CADPS2: variants seen among roughly 807,000 people sequenced by gnomAD.
CADPS2 encodes the protein calcium-dependent secretion activator 2.
Under a neutral mutation model 172.5 loss-of-function variants are expected in CADPS2, and 93 were observed. That is an observed-to-expected ratio of 0.54 (90% CI 0.46 to 0.64). The LOEUF is 0.64. CADPS2 is among the 30% of genes least tolerant of loss of function. CADPS2 has a pLI of 0.00. For missense variants in CADPS2, 1,420 were observed against 1,565.9 expected (o/e 0.91, Z 1.57); for synonymous variants, 546 against 555.2 (o/e 0.98, Z 0.23).
intron 2 of CADPS2, among the ~76,000 whole-genome samples, chr7:122,707,931 A>G (rs1248659995): frequency 2.0e-5 from 3 of 151,736 alleles, no homozygotes. Flanking sequence ...TGTGGCAACT[A>G]TAATTCTTAT....
intron 2 of CADPS2, 75 bp downstream of exon 2, chr7:122,736,880 T>C: frequency 1.3e-6 from 1 of 760,180 alleles, no homozygotes; most frequent in Non-Finnish European, 2.2e-6. Flanking sequence ...TTCTTTAAAA[T>C]GAGAAACCCA....
At chr7:122,842,638 A>T (rs1810881130) in intron 1 of CADPS2, among the ~76,000 whole-genome samples, 1 of 152,212 alleles carries the variant, frequency 6.6e-6, no homozygotes, top group South Asian at 2.1e-4. Flanking sequence ...AAGAAAAACA[A>T]ATGTCATATT....
Position 122,387,044 on chromosome 7 carries a change from G to C in CADPS2, c.3294C>G (p.Ala1098=), listed in dbSNP as rs534927407. Residue 1098 remains alanine, a synonymous_variant, in exon 24 of 30, where the codon GCC becomes GCG. Coordinates refer to ENST00000449022, the MANE Select transcript of CADPS2 (RefSeq NM_017954.11). ...TACATACCTCTTGTCCTCCATCCAG[G>C]GCACAGAGTTTGGTGCTTTGCTTTT... ...DAKKQSTKLC[A]LDGGQEQQYH... The C allele has an allele frequency of 1.3e-6, 2 of 1,558,218 alleles. No homozygotes were observed. Among genetic ancestry groups the C allele is most frequent in the South Asian group, 2.4e-5 (2 of 84,702 alleles).
chr7:122,511,965 C>T (rs183041255), intron 9 of CADPS2, among the ~76,000 whole-genome samples: 1 of 152,072 alleles, frequency 6.6e-6, no homozygotes. Flanking sequence ...AAACAGGTAA[C>T]CTTTTTCAAA....
At chr7:122,787,228 C>T (rs1238707142) in intron 1 of CADPS2, among the ~76,000 whole-genome samples, 1 of 152,070 alleles carries the variant, frequency 6.6e-6, no homozygotes, top group Non-Finnish European at 1.5e-5. Context: ...CTCTATACAC[C>T]CCCAACCCCA....
intron 2 of CADPS2, among the ~76,000 whole-genome samples, chr7:122,679,148 G>A (rs147450545): frequency 0.066 from 10,036 of 151,688 alleles, 376 homozygotes; most frequent in South Asian, 0.17. Context: ...CCTGTGGGCC[G>A]GGCAGGACAG....
At chr7:122,525,522 G>A (rs553342334) in intron 8 of CADPS2, among the ~76,000 whole-genome samples, 5 of 152,210 alleles carry the variant, frequency 3.3e-5, no homozygotes, top group Admixed American at 2.0e-4. Flanking sequence ...AGTAAGATAC[G>A]CTTGCTGTTA....
chr7:122,676,189 G>A (rs2082362560), intron 2 of CADPS2, among the ~76,000 whole-genome samples: 1 of 152,106 alleles, frequency 6.6e-6, no homozygotes, highest in African/African-American at 2.4e-5. Flanking sequence ...AAATGAATAG[G>A]TTCCTGACTG....
intron 2 of CADPS2, among the ~76,000 whole-genome samples, chr7:122,696,830 G>A (rs186686276): frequency 6.6e-6 from 1 of 152,220 alleles, no homozygotes; most frequent in East Asian, 1.9e-4. Context: ...CATAATAGTT[G>A]CATTACAACA....
intron 13 of CADPS2, among the ~76,000 whole-genome samples, chr7:122,472,244 A>C (rs2056059196): frequency 6.6e-6 from 1 of 152,132 alleles, no homozygotes; most frequent in African/African-American, 2.4e-5. Flanking sequence ...TGGATTTATA[A>C]GATAGTAAAA....
At position 122,659,484 on chromosome 7, in the gene CADPS2, G is replaced by A. The variant is rs573544240; in HGVS notation, c.786+3753C>T. 1.1e-4 allele frequency among the ~76,000 whole-genome samples: 17 copies of A among 152,156 alleles called. No individual in the cohort carries two copies. The South Asian group carries it at 3.5e-3, about 32-fold the overall frequency. On this transcript the variant is annotated intron_variant, in intron 3 of 29. Coordinates refer to ENST00000449022, the MANE Select transcript of CADPS2 (RefSeq NM_017954.11). ...TGAACAAACAGAACGGACATCCCAG[G>A]ACTGTGGGATAACATGGGTAACAGA...
chr7:122,422,930 G>A (rs1333429551), intron 17 of CADPS2, among the ~76,000 whole-genome samples: 1 of 152,142 alleles, frequency 6.6e-6, no homozygotes, highest in African/African-American at 2.4e-5. Context: ...CTGCACCCCA[G>A]TCTGGGTGAC....
At chr7:122,672,592 G>C (rs1468145033) in intron 2 of CADPS2, among the ~76,000 whole-genome samples, 1 of 152,124 alleles carries the variant, frequency 6.6e-6, no homozygotes, top group Non-Finnish European at 1.5e-5. Context: ...CACACCTCCT[G>C]GGAGAATAGA....
intron 1 of CADPS2, among the ~76,000 whole-genome samples, chr7:122,776,340 T>C (rs1361825856): frequency 1.3e-5 from 2 of 152,192 alleles, no homozygotes; most frequent in Non-Finnish European, 2.9e-5. Context: ...GCCATGATTG[T>C]GAGGGCTCCA....
chr7:122,433,169 T>TG (rs1563325313), intron 17 of CADPS2, among the ~76,000 whole-genome samples: 1 of 151,298 alleles, frequency 6.6e-6, no homozygotes, highest in Non-Finnish European at 1.5e-5. Context: ...TGTGTGGAGA[T>TG]GGGGTCTCAC....
At chr7:122,363,934 G>C (rs2040510656) in intron 25 of CADPS2, among the ~76,000 whole-genome samples, 1 of 152,176 alleles carries the variant, frequency 6.6e-6, no homozygotes, top group South Asian at 2.1e-4. Flanking sequence ...AGGTAGAATA[G>C]AGCTGAGGCT....
intron 2 of CADPS2, among the ~76,000 whole-genome samples, chr7:122,692,054 G>A (rs1213010849): frequency 1.3e-5 from 2 of 152,098 alleles, no homozygotes; most frequent in Non-Finnish European, 2.9e-5. Flanking sequence ...CAGGCATCTC[G>A]GCCAGTCTCT....
At position 122,406,080 on chromosome 7, in the gene CADPS2, G is replaced by C. The variant is rs142491919; in HGVS notation, c.2746+1460C>G. 2.5e-3 allele frequency among the ~76,000 whole-genome samples: 378 copies of C among 152,244 alleles called. 4 individuals carry two copies. Among genetic ancestry groups the C allele is most frequent in the African/African-American group, 8.7e-3 (363 of 41,538 alleles). ...CTCTAACATGATGCCTCCCTTACTA[G>C]AACAGAGGTTTTTAACCTGGTGCCC... On this transcript the variant is annotated intron_variant, in intron 20 of 29. Coordinates refer to ENST00000449022, the MANE Select transcript of CADPS2 (RefSeq NM_017954.11).
intron 2 of CADPS2, among the ~76,000 whole-genome samples, chr7:122,677,099 G>A (rs1319956086): frequency 6.6e-6 from 1 of 152,126 alleles, no homozygotes; most frequent in Non-Finnish European, 1.5e-5. Flanking sequence ...AAAATGCCAG[G>A]CAATATGATC....
Sources: gnomAD v4.1 joint callset for allele counts (sites outside exome capture counted in the v4.1 genomes callset) on GRCh38, gnomAD v4.1.1 for gene constraint, MANE v1.5 for transcripts, NCBI Gene and HGNC (gene_info 2026-07-23, HGNC 2026-07-21) for gene names.